Variants in FHOD3 observed in about 807,000 individuals in gnomAD.
FHOD3 encodes formin homology 2 domain containing 3, also known as FH1/FH2 domain-containing protein 3.
FHOD3 carries 90 observed loss-of-function variants against 173.0 expected under a neutral mutation model. That is an observed-to-expected ratio of 0.52 (90% confidence interval 0.44 to 0.62). The LOEUF (loss-of-function observed/expected upper bound fraction) is 0.62. Ranked by LOEUF, FHOD3 falls within the 20% of genes least tolerant of loss-of-function variation. The probability of loss-of-function intolerance (pLI) is 0.00; values close to 1 mark genes in which losing one functional copy is unlikely to be tolerated. For synonymous variants in FHOD3, 828 were observed against 823.0 expected (o/e 1.01, Z -0.10); for missense variants, 1,945 against 2,034.7 (o/e 0.96, Z 0.85).
In FHOD3 at chr18:36,585,703, A is replaced by AT. The variant is rs561064446; in HGVS notation, c.607-9082dup. On this transcript the variant is annotated intron_variant, in intron 6 of 28. Coordinates refer to ENST00000590592, the MANE Select transcript of FHOD3 (RefSeq NM_001281740.3). ...AACCAGAATTTTAACTTACAAAGAC[A>AT]TTATTTTTGTGAACGCAAGAAGCAG... Among the ~76,000 whole-genome samples the AT allele has an allele frequency of 2.7e-3, 411 of 152,320 alleles. 2 individuals carry two copies. The highest frequency in any genetic ancestry group is 4.5e-3 in the Non-Finnish European group (307 of 68,008).
At chr18:36,484,792 A>G (rs1243663258) in intron 3 of FHOD3, among the ~76,000 whole-genome samples, 2 of 152,136 alleles carry the variant, frequency 1.3e-5, no homozygotes, top group Non-Finnish European at 2.9e-5. Flanking sequence ...TCGGACCACA[A>G]AGATTACTGA....
intron 11 of FHOD3, 41 bp downstream of exon 11, chr18:36,649,446 G>T: frequency 1.4e-6 from 2 of 1,448,990 alleles, no homozygotes; most frequent in Non-Finnish European, 1.9e-6. Flanking sequence ...ACTAAAAGTG[G>T]GAGACTCCTT....
At chr18:36,622,575 G>T (rs1319140202) in intron 9 of FHOD3, among the ~76,000 whole-genome samples, 1 of 152,208 alleles carries the variant, frequency 6.6e-6, no homozygotes, top group African/African-American at 2.4e-5. Flanking sequence ...GAAGGTATTT[G>T]ATGAGAGGTC....
intron 27 of FHOD3, among the ~76,000 whole-genome samples, chr18:36,764,431 A>G (rs146746110): frequency 1.3e-5 from 2 of 152,184 alleles, no homozygotes; most frequent in East Asian, 3.9e-4. Context: ...CAGGCTTTGT[A>G]TGCTAGGCTA....
intron 3 of FHOD3, among the ~76,000 whole-genome samples, chr18:36,418,569 T>C (rs1467217936): frequency 1.3e-5 from 2 of 152,160 alleles, no homozygotes; most frequent in Admixed American, 6.5e-5. Flanking sequence ...CGTTGACTTT[T>C]GCTACTCAGT....
chr18:36,755,364 A>T, intron 25 of FHOD3, 53 bp downstream of exon 25: 1 of 1,196,172 alleles, frequency 8.4e-7, no homozygotes, highest in Non-Finnish European at 1.1e-6. Flanking sequence ...AAGTAAGATC[A>T]GTCAGGAATC....
At chr18:36,547,765 C>A (rs2147251132) in intron 5 of FHOD3, among the ~76,000 whole-genome samples, 1 of 152,346 alleles carries the variant, frequency 6.6e-6, no homozygotes, top group Admixed American at 6.5e-5. Flanking sequence ...CACCCCACAG[C>A]CACCTTGTCC....
In FHOD3 at chr18:36,478,922, C is replaced by T. The variant is rs184347412; in HGVS notation, c.338-23010C>T. On this transcript the variant is annotated intron_variant, in intron 3 of 28. Transcript: ENST00000590592. ...AAGACTTGAGTTCTTATTTTCTTCT[C>T]CCCTCACCCAAAGTATAAATATCAA... is the stretch of plus-strand genomic sequence containing the variant. Among the ~76,000 whole-genome samples the T allele has an allele frequency of 3.1e-4, 47 of 152,256 alleles. No homozygotes were observed. The East Asian group carries it at 5.8e-3, about 19-fold the overall frequency.
At chr18:36,526,299 T>G (rs2056510274) in intron 5 of FHOD3, among the ~76,000 whole-genome samples, 1 of 152,258 alleles carries the variant, frequency 6.6e-6, no homozygotes, top group African/African-American at 2.4e-5. Context: ...CCCCTCAATT[T>G]TGTTTGCATC....
chr18:36,385,731 A>T (rs2048001812), intron 3 of FHOD3, among the ~76,000 whole-genome samples: 1 of 152,152 alleles, frequency 6.6e-6, no homozygotes, highest in South Asian at 2.1e-4. Flanking sequence ...TACATTTTAG[A>T]ATGTTGCAGT....
intron 1 of FHOD3, among the ~76,000 whole-genome samples, chr18:36,327,954 G>A (rs1363589495): frequency 6.6e-6 from 1 of 152,118 alleles, no homozygotes; most frequent in Non-Finnish European, 1.5e-5. Flanking sequence ...GTCAGATTTG[G>A]CCCATGGGTT....
intron 14 of FHOD3, among the ~76,000 whole-genome samples, chr18:36,664,008 T>C (rs909071509): frequency 3.3e-5 from 5 of 152,182 alleles, no homozygotes; most frequent in Non-Finnish European, 5.9e-5. Flanking sequence ...CTGTGTTTTG[T>C]GGATATGTGA....
chr18:36,511,626 T>C (rs1268578217), intron 4 of FHOD3, among the ~76,000 whole-genome samples: 1 of 152,158 alleles, frequency 6.6e-6, no homozygotes, highest in African/African-American at 2.4e-5. Flanking sequence ...CAGAATCACC[T>C]GCTTCTGAGC....
intron 3 of FHOD3, among the ~76,000 whole-genome samples, chr18:36,431,464 A>G (rs1205340399): frequency 6.6e-6 from 1 of 152,202 alleles, no homozygotes; most frequent in Non-Finnish European, 1.5e-5. Context: ...CTGAGGAAGG[A>G]GCAGGCCTAT....
intron 25 of FHOD3, among the ~76,000 whole-genome samples, chr18:36,755,733 C>T (rs1298558274): frequency 2.6e-5 from 4 of 152,160 alleles, no homozygotes; most frequent in Non-Finnish European, 4.4e-5. Context: ...ATCATCATAA[C>T]GGTGCTGTGT....
intron 10 of FHOD3, among the ~76,000 whole-genome samples, chr18:36,641,071 T>C (rs1267736561): frequency 1.3e-5 from 2 of 152,140 alleles, no homozygotes. Context: ...CCTTGGATCA[T>C]GCATAGCAAG....
intron 3 of FHOD3, among the ~76,000 whole-genome samples, chr18:36,489,568 A>T (rs920628065): frequency 3.3e-5 from 5 of 152,072 alleles, no homozygotes; most frequent in African/African-American, 1.2e-4. Flanking sequence ...GCTACTTGGG[A>T]CGCTAAGGTG....
intron 5 of FHOD3, among the ~76,000 whole-genome samples, chr18:36,539,657 C>T (rs192106696): frequency 4.6e-5 from 7 of 152,168 alleles, no homozygotes; most frequent in South Asian, 2.1e-4. Flanking sequence ...AGCAGGTGGG[C>T]GAATCAGAGG....
At chr18:36,510,189 C>T (rs2055556588) in intron 4 of FHOD3, among the ~76,000 whole-genome samples, 1 of 152,190 alleles carries the variant, frequency 6.6e-6, no homozygotes, top group African/African-American at 2.4e-5. Flanking sequence ...AAAAAATGAT[C>T]ACAGCTTAAT....
Sources: allele counts gnomAD v4.1 joint callset (sites outside exome capture counted in the v4.1 genomes callset), GRCh38; gene constraint gnomAD v4.1.1; transcripts MANE v1.5; gene names NCBI Gene and HGNC (gene_info 2026-07-23, HGNC 2026-07-21).